Variants in OXR1 observed in about 807,000 individuals in gnomAD.
OXR1 encodes oxidation resistance 1.
Under a neutral mutation model 104.6 loss-of-function variants are expected in OXR1, and 41 were observed. The ratio of observed to expected loss-of-function variants is 0.39; its 90% CI spans 0.31 to 0.51. The LOEUF (loss-of-function observed/expected upper bound fraction) is 0.51, where lower values mean the gene tolerates loss of function less well. OXR1 is among the 20% of genes least tolerant of loss of function. OXR1 has a pLI of 0.77. For missense variants in OXR1, 955 were observed against 1,031.9 expected (o/e 0.93, Z 1.02); for synonymous variants, 348 against 348.4 (o/e 1.00, Z 0.01).
At chr8:106,709,350 A>G (rs1181465914) in intron 9 of OXR1, among the ~76,000 whole-genome samples, 2 of 152,030 alleles carry the variant, frequency 1.3e-5, no homozygotes, top group African/African-American at 4.8e-5. Context: ...TTATTTAACC[A>G]TTTGCTTATT....
intron 2 of OXR1, among the ~76,000 whole-genome samples, chr8:106,384,191 T>C (rs926651433): frequency 2.0e-5 from 3 of 152,204 alleles, no homozygotes; most frequent in Non-Finnish European, 4.4e-5. Context: ...AAATGTTAGT[T>C]AACTTTAAGA....
intron 2 of OXR1, among the ~76,000 whole-genome samples, chr8:106,429,087 A>T (rs1014469167): frequency 2.6e-5 from 4 of 152,160 alleles, no homozygotes; most frequent in African/African-American, 4.8e-5. Flanking sequence ...AAGTTGGCGG[A>T]GGCAGGGAAG....
intron 2 of OXR1, among the ~76,000 whole-genome samples, chr8:106,398,155 T>A (rs1366825833): frequency 6.6e-6 from 1 of 152,154 alleles, no homozygotes; most frequent in Non-Finnish European, 1.5e-5. Context: ...TCTGTAAAGA[T>A]CCTATTTCCA....
chr8:106,527,379 G>A (rs533793683), intron 3 of OXR1, among the ~76,000 whole-genome samples: 2 of 152,172 alleles, frequency 1.3e-5, no homozygotes, highest in African/African-American at 4.8e-5. Context: ...TTTAAAACCC[G>A]GCAGTGGTTC....
At chr8:106,600,567 G>A (rs1255627136) in intron 3 of OXR1, among the ~76,000 whole-genome samples, 1 of 152,172 alleles carries the variant, frequency 6.6e-6, no homozygotes, top group Non-Finnish European at 1.5e-5. Context: ...ACAGATTAGT[G>A]AGTTTTAACA....
At chr8:106,704,393 C>CTTTTTTTTTTTTTTTTTTTTTTTTTTTT (rs71307084) in intron 8 of OXR1, among the ~76,000 whole-genome samples, 19 of 47,892 alleles carry the variant, frequency 4.0e-4, no homozygotes, top group East Asian at 6.3e-4. Context: ...CTTTCTTCTT[C>CTTTTTTTTTTTTTTTTTTTTTTTTTTTT]TTTTTTTTTT....
At chr8:106,547,490 T>C (rs1214949431) in intron 3 of OXR1, among the ~76,000 whole-genome samples, 1 of 112,436 alleles carries the variant, frequency 8.9e-6, no homozygotes, top group Non-Finnish European at 1.7e-5. Flanking sequence ...CTTTCTTTCT[T>C]TCTTTTTTTT....
intron 11 of OXR1, among the ~76,000 whole-genome samples, chr8:106,723,697 A>T (rs1446845806): frequency 1.3e-5 from 2 of 150,658 alleles, no homozygotes; most frequent in African/African-American, 4.9e-5. Context: ...CAAACAAAAA[A>T]CCTCTAATAT....
chr8:106,480,211 A>C (rs1822030932), intron 2 of OXR1, among the ~76,000 whole-genome samples: 1 of 152,128 alleles, frequency 6.6e-6, no homozygotes. Flanking sequence ...TGAAAGATCA[A>C]CTGATTTTGT....
rs1197418533 is a variant in OXR1 at position 106,498,901 on chromosome 8, G to A, written c.24-20042G>A. Among the ~76,000 whole-genome samples, 2 of 16,044 alleles carry A rather than the reference G, an allele frequency of 1.2e-4. 1 individual carries two copies. The highest frequency in any genetic ancestry group is 3.6e-4 in the Non-Finnish European group (2 of 5,584). The allele number at this position is 16,044 out of a possible 152,430, so 10.5% of individuals were successfully genotyped here. On this transcript the variant is annotated intron_variant, in intron 2 of 16. Coordinates refer to ENST00000517566, the MANE Select transcript of OXR1 (RefSeq NM_001198533.2). Reference sequence around the variant, plus strand: ...GAGATGGCCGGGCGCGGTGGCTCACGCCTGTAATCCCAGCACTTTGGGAGG... The same window carrying A: ...GAGATGGCCGGGCGCGGTGGCTCACACCTGTAATCCCAGCACTTTGGGAGG...
chr8:106,642,537 A>C (rs1469540127), intron 3 of OXR1, among the ~76,000 whole-genome samples: 1 of 152,148 alleles, frequency 6.6e-6, no homozygotes, highest in South Asian at 2.1e-4. Context: ...GAGCATGGAG[A>C]TCACCAATAG....
intron 1 of OXR1, among the ~76,000 whole-genome samples, chr8:106,274,608 C>CT (rs202131614): frequency 0.078 from 11,229 of 143,368 alleles, 679 homozygotes; most frequent in Middle Eastern, 0.15. Context: ...CCACCCCCCC[C>CT]CCGACCCCGC....
intron 1 of OXR1, among the ~76,000 whole-genome samples, chr8:106,279,756 T>A (rs551312176): frequency 3.9e-5 from 6 of 152,246 alleles, no homozygotes; most frequent in African/African-American, 1.4e-4. Flanking sequence ...AGAACAAAAC[T>A]CAAAGTTATG....
At chr8:106,345,365 G>T (rs1401625313) in intron 1 of OXR1, among the ~76,000 whole-genome samples, 2 of 152,208 alleles carry the variant, frequency 1.3e-5, no homozygotes, top group Non-Finnish European at 2.9e-5. Flanking sequence ...TAAGATTCTA[G>T]ATTTGAGACC....
chr8:106,641,576 G>A (rs965100924), intron 3 of OXR1, among the ~76,000 whole-genome samples: 16 of 152,174 alleles, frequency 1.1e-4, no homozygotes, highest in Non-Finnish European at 4.4e-5. Context: ...ACATCCAGTA[G>A]AATAGGGTTT....
chr8:106,703,067 C>T lies in OXR1; in HGVS notation c.837C>T (p.Ser279=). 1.2e-6 allele frequency: 2 copies of T among 1,611,844 alleles called. No individual in the cohort carries two copies. Among genetic ancestry groups the T allele is most frequent in the Non-Finnish European group, 1.7e-6 (2 of 1,178,332 alleles). ...SAAMYKEILD[S]KIKESLPIDI... is the part of the protein sequence containing the mutation. Reference sequence around the variant, plus strand: ...CAATGTACAAAGAAATTTTGGATAGCAAAATAAAGGAATCTTTACCCATGT... The same window carrying T: ...CAATGTACAAAGAAATTTTGGATAGTAAAATAAAGGAATCTTTACCCATGT... Residue 279 remains serine, a synonymous_variant, in exon 8 of 17, where the codon AGC becomes AGT. Transcript: ENST00000517566.
At chr8:106,371,550 T>G (rs1816708039) in intron 2 of OXR1, among the ~76,000 whole-genome samples, 1 of 152,224 alleles carries the variant, frequency 6.6e-6, no homozygotes, top group Non-Finnish European at 1.5e-5. Flanking sequence ...AGTTTTCCTT[T>G]TAACACTGCT....
chr8:106,323,368 A>T (rs1266750828), intron 1 of OXR1, among the ~76,000 whole-genome samples: 38 of 152,192 alleles, frequency 2.5e-4, no homozygotes, highest in Admixed American at 2.5e-3. Context: ...ACAAAAGTCA[A>T]TTCAAGTTGG....
At chr8:106,314,108 C>T (rs1012431083) in intron 1 of OXR1, among the ~76,000 whole-genome samples, 1 of 152,076 alleles carries the variant, frequency 6.6e-6, no homozygotes, top group African/African-American at 2.4e-5. Flanking sequence ...TGCAGGTCAC[C>T]AGAGAGCACA....
Sources: gnomAD v4.1 joint callset for allele counts (sites outside exome capture counted in the v4.1 genomes callset) on GRCh38, gnomAD v4.1.1 for gene constraint, MANE v1.5 for transcripts, NCBI Gene and HGNC (gene_info 2026-07-23, HGNC 2026-07-21) for gene names.